The following STYXL2 variants were observed in gnomAD, a reference collection of about 807,000 sequenced individuals.
The protein encoded by STYXL2 is serine/threonine/tyrosine-interacting-like protein 2.
In STYXL2, 44 loss-of-function variants were observed where a neutral mutation model predicts 52.4. The observed-to-expected ratio is 0.84, with a 90% CI of 0.66 to 1.08. The LOEUF (loss-of-function observed/expected upper bound fraction) is 1.08. Ranked by LOEUF, STYXL2 falls within the 50% of genes least tolerant of loss-of-function variation. The pLI is 0.00. For missense variants in STYXL2, 1,604 were observed against 1,471.7 expected, an observed-to-expected ratio of 1.09 and a Z score of -1.47; for synonymous variants, 604 against 586.9, an observed-to-expected ratio of 1.03 and a Z score of -0.42.
At chr1:167,102,805 T>C (rs1558018381) in intron 2 of STYXL2, among the ~76,000 whole-genome samples, 1 of 152,204 alleles carries the variant, frequency 6.6e-6, no homozygotes, top group Non-Finnish European at 1.5e-5. Flanking sequence ...TGACTTCAGG[T>C]AAAGGTTTGA....
intron 2 of STYXL2, among the ~76,000 whole-genome samples, chr1:167,095,360 A>C (rs1306139846): frequency 6.6e-6 from 1 of 151,558 alleles, no homozygotes; most frequent in Non-Finnish European, 1.5e-5. Flanking sequence ...GACTATAAGA[A>C]AAGGGATGAG....
chr1:167,122,717 G>A (rs1667884894), intron 5 of STYXL2, among the ~76,000 whole-genome samples: 1 of 152,034 alleles, frequency 6.6e-6, no homozygotes, highest in South Asian at 2.1e-4. Context: ...CACCCAGGAT[G>A]GAATGCAGTA....
intron 5 of STYXL2, 125 bp downstream of exon 5, chr1:167,119,591 C>A (rs940833525): frequency 4.1e-5 from 32 of 786,210 alleles, no homozygotes; most frequent in Admixed American, 5.1e-5. Flanking sequence ...GCTGTTTTCT[C>A]TAAGAAAAGG....
At chr1:167,103,756 T>C (rs1667449315) in intron 2 of STYXL2, among the ~76,000 whole-genome samples, 1 of 152,112 alleles carries the variant, frequency 6.6e-6, no homozygotes, top group African/African-American at 2.4e-5. Context: ...GTGGGGGAGC[T>C]TGGTGGGGAC....
intron 5 of STYXL2, among the ~76,000 whole-genome samples, chr1:167,120,887 C>CAG (rs66503516): frequency 1.3e-5 from 1 of 76,650 alleles, no homozygotes; most frequent in African/African-American, 4.5e-5. Context: ...TATATATATA[C>CAG]AGAGAGAGAG....
At chr1:167,104,035 G>A (rs1486679540) in intron 2 of STYXL2, among the ~76,000 whole-genome samples, 4 of 152,100 alleles carry the variant, frequency 2.6e-5, no homozygotes, top group Admixed American at 2.6e-4. Context: ...CAGGTGAATG[G>A]CATGAATCGG....
chr1:167,108,779 TCA>T (rs529140430), intron 2 of STYXL2, among the ~76,000 whole-genome samples: 72 of 152,196 alleles, frequency 4.7e-4, no homozygotes, highest in African/African-American at 1.5e-3. Context: ...CTGAAACAAT[TCA>T]CAGACCCTTT....
In STYXL2 at chr1:167,125,846, T is replaced by C; in HGVS notation, c.715T>C (p.Tyr239His). 1 of 1,613,742 alleles carries C rather than the reference T, an allele frequency of 6.2e-7. No homozygotes were observed. The highest frequency in any genetic ancestry group is 8.5e-7 in the Non-Finnish European group (1 of 1,179,860). The change falls in exon 6 of 6, where the codon TAC becomes CAC. Residue 239 changes from tyrosine (Y) to histidine (H), a missense_variant. Coordinates refer to ENST00000361200, the MANE Select transcript of STYXL2 (RefSeq NM_001080426.3). ...CCGGTCAGCAGTGCTGGTGGTCGCC[T>C]ACCTGATGATCTTCCACAACATGGC... The part of the protein sequence containing the change: ...ISRSAVLVVA[Y>H]LMIFHNMAIL...
intron 5 of STYXL2, among the ~76,000 whole-genome samples, chr1:167,120,661 A>C (rs2102242520): frequency 6.6e-6 from 1 of 151,706 alleles, no homozygotes; most frequent in Non-Finnish European, 1.5e-5. Context: ...GACAGGATGC[A>C]GCTCTGTTGC....
At chr1:167,110,230 T>A (rs577835075) in intron 2 of STYXL2, among the ~76,000 whole-genome samples, 48 of 152,270 alleles carry the variant, frequency 3.2e-4, no homozygotes, top group African/African-American at 1.1e-3. Flanking sequence ...ACAGTAGCCC[T>A]TGAGCCCCAG....
chr1:167,114,381 CTT>C (rs963997801), intron 3 of STYXL2, among the ~76,000 whole-genome samples: 3 of 152,170 alleles, frequency 2.0e-5, no homozygotes, highest in African/African-American at 7.2e-5. Context: ...AGGAAATAAT[CTT>C]TTGCAATTTC....
At chr1:167,115,638 A>C (rs985535947) in intron 3 of STYXL2, among the ~76,000 whole-genome samples, 2 of 152,206 alleles carry the variant, frequency 1.3e-5, no homozygotes, top group African/African-American at 2.4e-5. Flanking sequence ...AAGACATCTA[A>C]GTAGACACGG....
Position 167,119,315 on chromosome 1 carries a change from T to C in STYXL2, c.504T>C (p.His168=), listed in dbSNP as rs756237141. ...LGITHILNAA[H]GTGVYTGPEF... Reference sequence around the variant, plus strand: ...TCACCCACATTCTGAATGCTGCGCATGGCACCGGCGTTTACACTGGCCCCG... The same window carrying C: ...TCACCCACATTCTGAATGCTGCGCACGGCACCGGCGTTTACACTGGCCCCG... Residue 168 remains histidine, a synonymous_variant, in exon 5 of 6, where the codon CAT becomes CAC. Transcript: ENST00000361200. 3.7e-6 allele frequency: 6 copies of C among 1,614,090 alleles called. No homozygotes were observed. Among genetic ancestry groups the C allele is most frequent in the Non-Finnish European group, 5.1e-6 (6 of 1,180,046 alleles).
At chr1:167,105,774 A>G (rs1341774073) in intron 2 of STYXL2, among the ~76,000 whole-genome samples, 3 of 152,228 alleles carry the variant, frequency 2.0e-5, no homozygotes, top group Non-Finnish European at 2.9e-5. Flanking sequence ...GCTGACTCGT[A>G]AAAGCATTTG....
At chr1:167,125,228 A>G (rs1015269954) in intron 5 of STYXL2, among the ~76,000 whole-genome samples, 6 of 152,186 alleles carry the variant, frequency 3.9e-5, no homozygotes, top group Admixed American at 6.5e-5. Context: ...TCCCTAACAT[A>G]TGAAAAAAAT....
intron 1 of STYXL2, 138 bp from the exon 2 acceptor site, chr1:167,094,696 T>C: frequency 3.2e-6 from 2 of 634,300 alleles, no homozygotes; most frequent in South Asian, 3.7e-5. Context: ...TCTGACTGGA[T>C]ATTCCTTGCT....
Position 167,127,430 on chromosome 1 carries a change from C to T in STYXL2, c.2299C>T (p.Gln767Ter). The change falls in exon 6 of 6, where the codon CAA becomes TAA. Residue 767 changes from glutamine (Q) to a stop codon, truncating the protein, a stop_gained. Transcript: ENST00000361200. LOFTEE classifies it high-confidence loss of function. ...VPAASCLGDD[Q>*]VSMLSGHSSS... ...AGCGGCTAGCTGCCTGGGGGATGACCAAGTCTCCATGCTTAGTGGACACAG... is the reference window on the plus strand; with the variant it reads ...AGCGGCTAGCTGCCTGGGGGATGACTAAGTCTCCATGCTTAGTGGACACAG... 6.2e-7 allele frequency: 1 copy of T among 1,614,032 alleles called. No individual in the cohort carries two copies. The highest frequency in any genetic ancestry group is 8.5e-7 in the Non-Finnish European group (1 of 1,179,966).
intron 5 of STYXL2, among the ~76,000 whole-genome samples, chr1:167,120,212 G>A (rs1667821913): frequency 6.6e-6 from 1 of 152,208 alleles, no homozygotes; most frequent in African/African-American, 2.4e-5. Context: ...CATGAGACTA[G>A]TCTGCAGAGG....
At chr1:167,107,665 C>G (rs1358812186) in intron 2 of STYXL2, among the ~76,000 whole-genome samples, 3 of 152,206 alleles carry the variant, frequency 2.0e-5, no homozygotes, top group Non-Finnish European at 4.4e-5. Context: ...CAGAAATTAT[C>G]TATGAAACAT....
Sources: allele counts gnomAD v4.1 joint callset (sites outside exome capture counted in the v4.1 genomes callset), GRCh38; gene constraint gnomAD v4.1.1; transcripts MANE v1.5; gene names NCBI Gene and HGNC (gene_info 2026-07-23, HGNC 2026-07-21).